The following RECQL4 variants were observed in gnomAD, a reference collection of about 807,000 sequenced individuals.
The protein encoded by RECQL4 is ATP-dependent DNA helicase Q4.
RECQL4 carries 158 observed loss-of-function variants against 128.6 expected under a neutral mutation model. The observed-to-expected ratio is 1.23, with a 90% CI of 1.08 to 1.40. The LOEUF (loss-of-function observed/expected upper bound fraction) is 1.40. Among genes scored for constraint, RECQL4 ranks in the 40% most tolerant of loss-of-function variants. RECQL4 has a pLI of 0.00. For synonymous variants in RECQL4, 996 were observed against 678.9 expected (o/e 1.47, Z -7.26); for missense variants, 2,293 against 1,649.8 (o/e 1.39, Z -6.75).
rs2130701658 is a variant in RECQL4, at chr8:144,514,844, G to T, written c.1620+92C>A. The stretch of plus-strand genomic sequence containing the variant: ...AGACACCTTGAAGCTCCCAGGGGAG[G>T]GGGTGGTTAGGGGACAAGCAGCAGT... On this transcript the variant is annotated intron_variant, in intron 9 of 20. Transcript: ENST00000617875. The T allele has an allele frequency of 2.7e-6, 4 of 1,466,690 alleles. 1 individual carries two copies. In the South Asian group the frequency reaches 4.9e-5, roughly 18 times the overall value. The allele number at this position is 1,466,690 out of a possible 1,614,324, so 90.9% of individuals were successfully genotyped here. A position where few individuals can be genotyped will look rare whatever the true frequency, so the allele number is the denominator to read the frequency against.
intron 9 of RECQL4, 113 bp from the exon 10 acceptor site, chr8:144,514,638 A>C: frequency 8.6e-7 from 1 of 1,161,698 alleles, no homozygotes; most frequent in Non-Finnish European, 1.2e-6. Context: ...GAGGAGAACC[A>C]GGTCCTGGGT....
Position 144,515,802 on chromosome 8 carries a change from T to G in RECQL4, c.1220A>C (p.Glu407Ala), listed in dbSNP as rs1564804098. The change falls in exon 6 of 21, where the codon GAG becomes GCG. Residue 407 changes from glutamate (E) to alanine (A), a missense_variant. Transcript: ENST00000617875. ...VTTKESCFLN[E>A]QFDHWAAQCP... Reference sequence around the variant, plus strand: ...CTGGGCTGCCCAGTGATCGAACTGCTCGTTCAGGAAACAAGACTCCTTGGT... The same window carrying G: ...CTGGGCTGCCCAGTGATCGAACTGCGCGTTCAGGAAACAAGACTCCTTGGT... The G allele has an allele frequency of 6.2e-7, 1 of 1,612,666 alleles. No homozygotes were observed. Among genetic ancestry groups the G allele is most frequent in the Non-Finnish European group, 8.5e-7 (1 of 1,179,728 alleles).
Position 144,517,773 on chromosome 8 carries a change from C to A in RECQL4, c.12G>T (p.Leu4=). Residue 4 remains leucine (L), a synonymous_variant, in exon 1 of 21, where the codon CTG becomes CTT. Coordinates refer to ENST00000617875, the MANE Select transcript of RECQL4 (RefSeq NM_004260.4). Reference sequence around the variant, plus strand: ...CCTGCAGCCGCTCCCGCACGTCCCGCAGCCGCTCCATGGCGCGCGCGCCCG... The same window carrying A: ...CCTGCAGCCGCTCCCGCACGTCCCGAAGCCGCTCCATGGCGCGCGCGCCCG... MER[L]RDVRERLQAW... is the part of the protein sequence containing the mutation. 7.9e-7 allele frequency: 1 copy of A among 1,264,944 alleles called. No individual in the cohort carries two copies. The highest frequency in any genetic ancestry group is 2.5e-5 in the South Asian group (1 of 40,216). 78.4% of individuals were successfully genotyped at this position (1,264,944 alleles called of 1,614,324 possible). A position where few individuals can be genotyped will look rare whatever the true frequency, so the allele number is the denominator to read the frequency against.
At chr8:144,517,550 G>A (rs753923571) in intron 2 of RECQL4, 42 bp from the exon 3 acceptor site, 1 of 1,523,182 alleles carries the variant, frequency 6.6e-7, no homozygotes. Context: ...TGGGGCCTGG[G>A]CCCCTGCCGA....
In RECQL4 at chr8:144,517,681, G is replaced by A; in HGVS notation, c.84+20C>T. The A allele has an allele frequency of 1.4e-6, 2 of 1,434,800 alleles. No individual in the cohort carries two copies. The highest frequency in any genetic ancestry group is 1.8e-6 in the Non-Finnish European group (2 of 1,099,454). The allele number at this position is 1,434,800 out of a possible 1,614,324, so 88.9% of individuals were successfully genotyped here. On this transcript the variant is annotated intron_variant, in intron 1 of 20. Transcript: ENST00000617875. ...CCGCGGGCCGCGCCCTCAGCCCCTC[G>A]GCCCCTGGGCAGCCCGCACCTGGCT...
In RECQL4 at chr8:144,512,948, A is replaced by G; in HGVS notation, c.2654T>C (p.Leu885Pro). ...PKYPPQEAEQ[L>P]SHQAAPGPRR... ...GGGTCCTGGGGCTGCTTGGTGGCTA[A>G]GCTGCTCAGCCTCTTGAGGGGGGTA... The change falls in exon 15 of 21, where the codon CTT becomes CCT. Residue 885 changes from leucine (L) to proline (P), a missense_variant. Physicochemically the swap from Leu to Pro is moderately conservative, Grantham distance 98. Coordinates refer to ENST00000617875, the MANE Select transcript of RECQL4 (RefSeq NM_004260.4). 1 of 1,574,520 alleles carries G rather than the reference A, an allele frequency of 6.4e-7. No homozygotes were observed. The highest frequency in any genetic ancestry group is 8.6e-7 in the Non-Finnish European group (1 of 1,160,396).
Position 144,517,582 on chromosome 8 carries a change from C to G in RECQL4, c.118+20G>C, listed in dbSNP as rs769252165. ...CCGACCCGGTGTCTTCTCGCCCCCG[C>G]CGCCCCGCCGCGCGCTCACCGCGGG... On this transcript the variant is annotated intron_variant, in intron 2 of 20. Coordinates refer to ENST00000617875, the MANE Select transcript of RECQL4 (RefSeq NM_004260.4). 1 of 1,478,756 alleles carries G rather than the reference C, an allele frequency of 6.8e-7. No individual in the cohort carries two copies. The highest frequency in any genetic ancestry group is 1.3e-5 in the South Asian group (1 of 77,010). 91.6% of individuals were successfully genotyped at this position (1,478,756 alleles called of 1,614,324 possible).
In RECQL4 at chr8:144,512,426, G is replaced by A. The variant is rs1301549552; in HGVS notation, c.3021C>T (p.Leu1007=). 12 of 1,608,570 alleles carry A rather than the reference G, an allele frequency of 7.5e-6. No individual in the cohort carries two copies. In the Admixed American group the frequency reaches 8.4e-5, roughly 11 times the overall value. Residue 1007 remains leucine, a synonymous_variant, in exon 17 of 21, where the codon CTC becomes CTT. Transcript: ENST00000617875. ...GWELASVRRA[L]CQLQWDHEPR... ...GCTCGTGGTCCCACTGCAGCTGGCA[G>A]AGAGCCCGCCGCACAGAGGCCAGCT...
At position 144,513,931 on chromosome 8, in the gene RECQL4, G is replaced by C; in HGVS notation, c.2055C>G (p.Asp685Glu). Residue 685 changes from aspartate (D) to glutamate (E), a missense_variant, in exon 12 of 21, where the codon GAC (aspartate) becomes GAG (glutamate). Physicochemically the swap from Asp to Glu is conservative, Grantham distance 45. Coordinates refer to ENST00000617875, the MANE Select transcript of RECQL4 (RefSeq NM_004260.4). The part of the protein sequence containing the change: ...HLSVSMDRDT[D>E]QALLTLLQGK... ...TCCCCAGAGCACACACACCCACCTGGTCTGTGTCCCTGTCCATGGACACGG... is the reference window on the plus strand; with the variant it reads ...TCCCCAGAGCACACACACCCACCTGCTCTGTGTCCCTGTCCATGGACACGG... 1 of 1,548,150 alleles carries C rather than the reference G, an allele frequency of 6.5e-7. No individual in the cohort carries two copies. The highest frequency in any genetic ancestry group is 8.7e-7 in the Non-Finnish European group (1 of 1,146,176).
chr8:144,516,382 C>A lies in RECQL4; in HGVS notation c.737G>T (p.Ser246Ile), dbSNP rs1586824146. 1 of 1,609,860 alleles carries A rather than the reference C, an allele frequency of 6.2e-7. No individual in the cohort carries two copies. Among genetic ancestry groups the A allele is most frequent in the Admixed American group, 1.7e-5 (1 of 59,964 alleles). Residue 246 changes from serine (S) to isoleucine (I), a missense_variant, in exon 5 of 21, where the codon AGC (serine) becomes ATC (isoleucine). Transcript: ENST00000617875. ...GPEASAFQEV[S>I]IRVGSPQPSS... ...GGGCTGGGGGCTCCCCACACGGATG[C>A]TGACTTCTTGGAAGGCTGAAGCCTC...
Position 144,515,436 on chromosome 8 carries a change from G to C in RECQL4, c.1280C>G (p.Ala427Gly). The change falls in exon 7 of 21, where the codon GCT (alanine) becomes GGT (glycine). Residue 427 changes from alanine (A) to glycine (G), a missense_variant. Coordinates refer to ENST00000617875, the MANE Select transcript of RECQL4 (RefSeq NM_004260.4). ...PRPASEEDTDAVGPEPLVPSP... is the reference protein window; with the variant it reads ...PRPASEEDTDGVGPEPLVPSP... The stretch of plus-strand genomic sequence containing the variant: ...AGGAACCAGTGGCTCAGGCCCAACA[G>C]CATCTGTGTCTTCCTCACTTGCTGG... The C allele has an allele frequency of 6.2e-7, 1 of 1,612,816 alleles. No homozygotes were observed. The highest frequency in any genetic ancestry group is 8.5e-7 in the Non-Finnish European group (1 of 1,179,840).
In RECQL4 at chr8:144,515,786, C is replaced by T. The variant is rs1554901674; in HGVS notation, c.1236G>A (p.Trp412Ter). 3.1e-6 allele frequency: 5 copies of T among 1,612,516 alleles called. No individual in the cohort carries two copies. Among genetic ancestry groups the T allele is most frequent in the Admixed American group, 1.7e-5 (1 of 59,950 alleles). Residue 412 changes from tryptophan to a stop codon, truncating the protein, a stop_gained, in exon 6 of 21, where the codon TGG (tryptophan) becomes TGA (stop). Transcript: ENST00000617875. LOFTEE classifies it high-confidence loss of function. ...SCFLNEQFDHWAAQCPRPASE... is the reference protein window; with the variant it reads ...SCFLNEQFDH ...CACCTGGCCGGGGACACTGGGCTGC[C>T]CAGTGATCGAACTGCTCGTTCAGGA...
chr8:144,514,192 G>A lies in RECQL4; in HGVS notation c.1875C>T (p.Cys625=), dbSNP rs1301085885. Reference sequence around the variant, plus strand: ...CCCCAGTTCACATATGGCTCACCTTGCAGACGCGCAGGTAGCAGGGCCGGA... The same window carrying A: ...CCCCAGTTCACATATGGCTCACCTTACAGACGCGCAGGTAGCAGGGCCGGA... ...HNFRPCYLRV[C]KVLRERMGVH... The change falls in exon 11 of 21, where the codon TGC becomes TGT. Residue 625 remains cysteine, a synonymous_variant. Coordinates refer to ENST00000617875, the MANE Select transcript of RECQL4 (RefSeq NM_004260.4). 6.2e-7 allele frequency: 1 copy of A among 1,612,200 alleles called. No individual in the cohort carries two copies. The highest frequency in any genetic ancestry group is 8.5e-7 in the Non-Finnish European group (1 of 1,179,688).
intron 4 of RECQL4, 44 bp from the exon 5 acceptor site, chr8:144,516,808 G>A (rs1045025795): frequency 2.7e-6 from 4 of 1,502,622 alleles, no homozygotes; most frequent in African/African-American, 2.8e-5. Flanking sequence ...TCAGGCCCCT[G>A]AGCTACTGTA....
At position 144,512,895 on chromosome 8, in the gene RECQL4, C is replaced by A; in HGVS notation, c.2707G>T (p.Ala903Ser). The A allele has an allele frequency of 6.3e-7, 1 of 1,591,758 alleles. No individual in the cohort carries two copies. The highest frequency in any genetic ancestry group is 8.6e-7 in the Non-Finnish European group (1 of 1,169,190). ...PRRVCMGHERALPIQLTVQAL... is the reference protein window; with the variant it reads ...PRRVCMGHERSLPIQLTVQAL... ...TGTACGGTAAGCTGTATTGGGAGTG[C>A]CCGCTCATGGCCCATGCAGACCCTT... Residue 903 changes from alanine to serine, a missense_variant, in exon 15 of 21, where the codon GCA becomes TCA. Coordinates refer to ENST00000617875, the MANE Select transcript of RECQL4 (RefSeq NM_004260.4).
At chr8:144,516,950 G>A (rs1815182502) in intron 4 of RECQL4, 100 bp downstream of exon 4, 4 of 1,498,252 alleles carry the variant, frequency 2.7e-6, no homozygotes, top group Non-Finnish European at 2.7e-6. Context: ...GGTTGGCACA[G>A]GGGCCCGTGC....
chr8:144,513,474 G>C lies in RECQL4; in HGVS notation c.2207C>G (p.Ala736Gly), dbSNP rs771790911. ...GTAGGCCTCGGCTGTGGTTTTGGGGGCACGACCTTTGGGGAAGACAGGCAG... is the reference window on the plus strand; with the variant it reads ...GTAGGCCTCGGCTGTGGTTTTGGGGCCACGACCTTTGGGGAAGACAGGCAG... Reference protein sequence around the residue: ...AAWVPGSGGRAPKTTAEAYHA... With the variant: ...AAWVPGSGGRGPKTTAEAYHA... The change falls in exon 14 of 21, where the codon GCC (alanine) becomes GGC (glycine). Residue 736 changes from alanine to glycine, a missense_variant. Coordinates refer to ENST00000617875, the MANE Select transcript of RECQL4 (RefSeq NM_004260.4). The C allele has an allele frequency of 1.6e-5, 26 of 1,609,706 alleles. No individual in the cohort carries two copies. Among genetic ancestry groups the C allele is most frequent in the Non-Finnish European group, 2.2e-5 (26 of 1,179,800 alleles).
rs771428532 is a variant in RECQL4, at chr8:144,511,633, C to T, written c.3502+48G>A. The T allele has an allele frequency of 3.7e-6, 6 of 1,606,794 alleles. No individual in the cohort carries two copies. In the South Asian group the frequency reaches 5.5e-5, roughly 15 times the overall value. On this transcript the variant is annotated intron_variant, in intron 20 of 20. Transcript: ENST00000617875. Reference sequence around the variant, plus strand: ...TGGAGCCTCCCAGGCCTCACCTGCCCCAGCCCCCAGCCCCAGCCTGCAGCG... The same window carrying T: ...TGGAGCCTCCCAGGCCTCACCTGCCTCAGCCCCCAGCCCCAGCCTGCAGCG...
At chr8:144,515,642 G>C in intron 6 of RECQL4, 122 bp downstream of exon 6, 1 of 1,458,282 alleles carries the variant, frequency 6.9e-7, no homozygotes, top group Non-Finnish European at 9.3e-7. Flanking sequence ...GGGGAGCTAG[G>C]GTAGGGCCTG....
Sources: allele counts gnomAD v4.1 joint callset, GRCh38; gene constraint gnomAD v4.1.1; transcripts MANE v1.5; gene names NCBI Gene and HGNC (gene_info 2026-07-23, HGNC 2026-07-21).